ESRRG: variants seen among roughly 807,000 people sequenced by gnomAD.
ESRRG encodes the protein estrogen-related receptor gamma.
ESRRG carries 13 observed loss-of-function variants against 44.0 expected under a neutral mutation model. The observed-to-expected ratio is 0.30, with a 90% CI of 0.19 to 0.47. The LOEUF (loss-of-function observed/expected upper bound fraction) is 0.47, where lower values mean the gene tolerates loss of function less well. Ranked by LOEUF, ESRRG falls within the 20% of genes least tolerant of loss-of-function variation. The probability of loss-of-function intolerance (pLI) is 1.00; values close to 1 mark genes in which losing one functional copy is unlikely to be tolerated. For synonymous variants in ESRRG, 215 were observed against 214.6 expected, an observed-to-expected ratio of 1.00 and a Z score of -0.02; for missense variants, 395 against 580.6, an observed-to-expected ratio of 0.68 and a Z score of 3.29.
At chr1:216,553,022 A>C (rs1365386954) in intron 5 of ESRRG, among the ~76,000 whole-genome samples, 1 of 152,184 alleles carries the variant, frequency 6.6e-6, no homozygotes, top group African/African-American at 2.4e-5. Flanking sequence ...TTCCTCTTTT[A>C]GGTATGCAAA....
intron 5 of ESRRG, among the ~76,000 whole-genome samples, chr1:216,540,183 A>G (rs1026723045): frequency 6.6e-6 from 1 of 152,070 alleles, no homozygotes; most frequent in Non-Finnish European, 1.5e-5. Flanking sequence ...GAATTCATAT[A>G]CTGTTATTAA....
chr1:216,941,608 G>A (rs1230415265), intron 1 of ESRRG, among the ~76,000 whole-genome samples: 1 of 152,016 alleles, frequency 6.6e-6, no homozygotes, highest in South Asian at 2.1e-4. Context: ...GCATTGGAAG[G>A]GTGTGTGGAA....
intron 2 of ESRRG, among the ~76,000 whole-genome samples, chr1:216,907,000 T>C (rs1231722142): frequency 6.6e-6 from 1 of 152,096 alleles, no homozygotes; most frequent in East Asian, 1.9e-4. Flanking sequence ...GTGTATATGG[T>C]GGGGATGTGT....
At chr1:216,839,648 C>T (rs1052312037) in intron 2 of ESRRG, among the ~76,000 whole-genome samples, 1 of 152,100 alleles carries the variant, frequency 6.6e-6, no homozygotes, top group African/African-American at 2.4e-5. Flanking sequence ...ATGAATGAAA[C>T]CAACATTCAT....
chr1:216,628,926 GC>G (rs1193218293), intron 3 of ESRRG, among the ~76,000 whole-genome samples: 1 of 152,134 alleles, frequency 6.6e-6, no homozygotes, highest in Non-Finnish European at 1.5e-5. Context: ...CCTCGAAGGA[GC>G]AAAACTCTCT....
At chr1:216,888,923 C>T (rs753765563) in intron 2 of ESRRG, among the ~76,000 whole-genome samples, 10 of 152,014 alleles carry the variant, frequency 6.6e-5, no homozygotes, top group Non-Finnish European at 1.3e-4. Context: ...TGAGGTAATG[C>T]GGCAAAGAAT....
chr1:216,565,604 A>C (rs2149563100), intron 4 of ESRRG, among the ~76,000 whole-genome samples: 1 of 152,320 alleles, frequency 6.6e-6, no homozygotes, highest in South Asian at 2.1e-4. Context: ...TATAATTAGC[A>C]CTTTTTCTAA....
intron 1 of ESRRG, among the ~76,000 whole-genome samples, chr1:217,121,149 C>T (rs1161943204): frequency 6.7e-6 from 1 of 149,054 alleles, no homozygotes; most frequent in Non-Finnish European, 1.5e-5. Context: ...CACACACACA[C>T]ACTCATTTAT....
intron 2 of ESRRG, among the ~76,000 whole-genome samples, chr1:216,732,103 TA>T (rs1277405270): frequency 1.8e-5 from 2 of 114,262 alleles, no homozygotes; most frequent in African/African-American, 6.8e-5. Context: ...AAAAAGAAAA[TA>T]AAAAATAAAA....
At chr1:216,798,402 G>T (rs1395640537) in intron 2 of ESRRG, among the ~76,000 whole-genome samples, 2 of 152,126 alleles carry the variant, frequency 1.3e-5, no homozygotes, top group African/African-American at 4.8e-5. Flanking sequence ...TAGAGGCCCT[G>T]CATGTGCAAA....
intron 3 of ESRRG, among the ~76,000 whole-genome samples, chr1:216,621,838 G>A (rs2062286996): frequency 6.6e-6 from 1 of 152,148 alleles, no homozygotes; most frequent in Admixed American, 6.5e-5. Context: ...TTCTGCCTTA[G>A]GAATGTTTCT....
At chr1:216,614,040 C>T (rs1168538689) in intron 3 of ESRRG, among the ~76,000 whole-genome samples, 2 of 152,228 alleles carry the variant, frequency 1.3e-5, no homozygotes, top group Non-Finnish European at 2.9e-5. Flanking sequence ...TCCCTGACTT[C>T]CACACCCTGC....
intron 1 of ESRRG, chr1:216,707,261 T>TA: frequency 5.9e-6 from 8 of 1,362,694 alleles, no homozygotes; most frequent in East Asian, 2.5e-5. Context: ...TTAATCAGTC[T>TA]AAAAAAATCA....
intron 5 of ESRRG, among the ~76,000 whole-genome samples, chr1:216,554,258 A>C (rs2057040175): frequency 6.6e-6 from 1 of 152,060 alleles, no homozygotes; most frequent in African/African-American, 2.4e-5. Context: ...GTTTGAGACC[A>C]GCCTGGCCAA....
intron 3 of ESRRG, among the ~76,000 whole-genome samples, chr1:216,612,503 A>G (rs188101265): frequency 2.4e-4 from 37 of 152,322 alleles, no homozygotes; most frequent in African/African-American, 8.4e-4. Context: ...AAATGTATGC[A>G]TAACATTCTT....
chr1:217,075,119 G>A (rs1308146452), intron 1 of ESRRG, among the ~76,000 whole-genome samples: 30 of 152,166 alleles, frequency 2.0e-4, no homozygotes, highest in Admixed American at 2.0e-3. Flanking sequence ...AAACACTGTA[G>A]TTTTGATCGG....
At chr1:216,954,086 T>C (rs1016858664) in intron 1 of ESRRG, among the ~76,000 whole-genome samples, 7 of 152,102 alleles carry the variant, frequency 4.6e-5, no homozygotes, top group Non-Finnish European at 1.0e-4. Context: ...CTCTAAAACA[T>C]CACTTAATTG....
At chr1:216,510,471 A>G (rs2042380926) in intron 6 of ESRRG, among the ~76,000 whole-genome samples, 1 of 152,236 alleles carries the variant, frequency 6.6e-6, no homozygotes, top group African/African-American at 2.4e-5. Context: ...CTTTGGGAAG[A>G]TAGCTAAATA....
chr1:216,531,624 G>A (rs2049396686), intron 5 of ESRRG, among the ~76,000 whole-genome samples: 1 of 152,098 alleles, frequency 6.6e-6, no homozygotes, highest in African/African-American at 2.4e-5. Flanking sequence ...TCAACCATAT[G>A]AATGCAGAAT....
Sources: allele counts gnomAD v4.1 joint callset (sites outside exome capture counted in the v4.1 genomes callset), GRCh38; gene constraint gnomAD v4.1.1; transcripts MANE v1.5; gene names NCBI Gene and HGNC (gene_info 2026-07-23, HGNC 2026-07-21).